Variants in TMPRSS11A observed in about 807,000 individuals in gnomAD.
The protein encoded by TMPRSS11A is transmembrane serine protease 11A, also known as transmembrane protease serine 11A.
Under a neutral mutation model 58.9 loss-of-function variants are expected in TMPRSS11A, and 53 were observed. That is an observed-to-expected ratio of 0.90 (90% CI 0.72 to 1.13). The LOEUF is 1.13. TMPRSS11A is among the 50% of genes most tolerant of loss of function. The pLI, the probability that TMPRSS11A is intolerant of heterozygous loss-of-function variation, is 0.00. For missense variants in TMPRSS11A, 493 were observed against 499.3 expected, an observed-to-expected ratio of 0.99 and a Z score of 0.12; for synonymous variants, 167 against 169.8, an observed-to-expected ratio of 0.98 and a Z score of 0.13.
intron 3 of TMPRSS11A, 41 bp downstream of exon 3, chr4:67,944,478 C>T: frequency 6.3e-7 from 1 of 1,581,624 alleles, no homozygotes; most frequent in Non-Finnish European, 8.6e-7. Flanking sequence ...ATCCCTTCCA[C>T]TTGCATTATT....
chr4:67,959,554 C>T (rs1042848304), intron 1 of TMPRSS11A, among the ~76,000 whole-genome samples: 2 of 152,164 alleles, frequency 1.3e-5, no homozygotes, highest in Non-Finnish European at 2.9e-5. Flanking sequence ...ACAGACACTT[C>T]TTAAAAGAAG....
rs1310861875 is a variant in TMPRSS11A, at chr4:67,962,124, AC to A, written c.11+1258del. Among the ~76,000 whole-genome samples the A allele has an allele frequency of 2.0e-5, 3 of 152,278 alleles. No individual in the cohort carries two copies. The East Asian group carries it at 5.8e-4, about 29-fold the overall frequency. On this transcript the variant is annotated intron_variant, in intron 1 of 9. Coordinates refer to ENST00000508048, the MANE Select transcript of TMPRSS11A (RefSeq NM_001114387.2). ...TATTAATTTTTAAAATAATTTTTTAACAGTCAAACATTAATGCTAGATATTT... is the reference window on the plus strand; with the variant it reads ...TATTAATTTTTAAAATAATTTTTTAAAGTCAAACATTAATGCTAGATATTT...
chr4:67,952,698 TATTTA>T (rs1348528724), intron 1 of TMPRSS11A, among the ~76,000 whole-genome samples: 3 of 152,246 alleles, frequency 2.0e-5, no homozygotes, highest in African/African-American at 7.2e-5. Flanking sequence ...CAAAGGCTTT[TATTTA>T]ATTTGATGCT....
chr4:67,953,859 T>C (rs1721219266), intron 1 of TMPRSS11A, among the ~76,000 whole-genome samples: 2 of 152,050 alleles, frequency 1.3e-5, no homozygotes, highest in Non-Finnish European at 2.9e-5. Context: ...AAAAGGTGGC[T>C]CTAGATGTAT....
Position 67,910,117 on chromosome 4 carries a change from G to A in TMPRSS11A, c.*1225C>T, listed in dbSNP as rs552329505. ...TAAAGCCTTAATTTAATTGTATTAC[G>A]AAATACATGAGCCTTACTCTCCTAA... On this transcript the variant is annotated 3_prime_UTR_variant, in exon 10 of 10. Transcript: ENST00000508048. The A allele has an allele frequency of 1.9e-4, 29 of 152,016 alleles. No individual in the cohort carries two copies. Among genetic ancestry groups the A allele is most frequent in the Non-Finnish European group, 3.4e-4 (23 of 67,928 alleles). The allele number at this position is 152,016 out of a possible 1,614,324, so 9.4% of individuals were successfully genotyped here. A position where few individuals can be genotyped will look rare whatever the true frequency, so the allele number is the denominator to read the frequency against.
rs547304121 is a variant in TMPRSS11A, at chr4:67,958,814, C to T, written c.11+4569G>A. Among the ~76,000 whole-genome samples the T allele has an allele frequency of 4.6e-5, 7 of 152,238 alleles. No homozygotes were observed. The South Asian group carries it at 1.5e-3, about 32-fold the overall frequency. ...TCTTGAACTGTAGCTCTCACAATTC[C>T]CATGTGTCGTAGGAGGGATCTGATG... On this transcript the variant is annotated intron_variant, in intron 1 of 9. Coordinates refer to ENST00000508048, the MANE Select transcript of TMPRSS11A (RefSeq NM_001114387.2).
In TMPRSS11A at chr4:67,944,601, A is replaced by C. The variant is rs1320070153; in HGVS notation, c.170T>G (p.Ile57Ser). 6.2e-7 allele frequency: 1 copy of C among 1,612,932 alleles called. No individual in the cohort carries two copies. The highest frequency in any genetic ancestry group is 8.5e-7 in the Non-Finnish European group (1 of 1,179,100). ...ATTGTTATTGATTTGTGGATCTAAA[A>C]TTTTAAAGGAGCCATGATAGTACTC... ...KKEYYHGSFK[I>S]LDPQINNNFG... Residue 57 changes from isoleucine (I) to serine (S), a missense_variant, in exon 3 of 10, where the codon ATT becomes AGT. Ile to Ser is a moderately radical substitution (Grantham distance 142, BLOSUM62 -2). Coordinates refer to ENST00000508048, the MANE Select transcript of TMPRSS11A (RefSeq NM_001114387.2).
chr4:67,928,610 T>C (rs1382749311), intron 5 of TMPRSS11A, among the ~76,000 whole-genome samples: 2 of 152,246 alleles, frequency 1.3e-5, no homozygotes, highest in African/African-American at 4.8e-5. Flanking sequence ...TTCATTTGCT[T>C]CCCCATCTAA....
chr4:67,942,827 A>C (rs1008158354), intron 3 of TMPRSS11A, among the ~76,000 whole-genome samples: 1 of 152,200 alleles, frequency 6.6e-6, no homozygotes, highest in African/African-American at 2.4e-5. Flanking sequence ...GATACACACT[A>C]TGAATTAGCA....
chr4:67,911,226 A>C lies in TMPRSS11A; in HGVS notation c.*116T>G. 1 of 891,792 alleles carries C rather than the reference A, an allele frequency of 1.1e-6. No homozygotes were observed. The highest frequency in any genetic ancestry group is 1.7e-6 in the Non-Finnish European group (1 of 597,620). 55.2% of individuals were successfully genotyped at this position (891,792 alleles called of 1,614,324 possible). On this transcript the variant is annotated 3_prime_UTR_variant, in exon 10 of 10. Coordinates refer to ENST00000508048, the MANE Select transcript of TMPRSS11A (RefSeq NM_001114387.2). ...CTAAATAACTTACGTTGTGTGTTTC[A>C]TGTTACTAGATCCAGTAATTTAATA...
At chr4:67,946,682 G>T (rs886968410) in intron 1 of TMPRSS11A, 111 bp from the exon 2 acceptor site, 2 of 1,145,584 alleles carry the variant, frequency 1.7e-6, no homozygotes, top group African/African-American at 1.6e-5. Context: ...CTGCAAAAAG[G>T]TCTTTAATTT....
intron 3 of TMPRSS11A, among the ~76,000 whole-genome samples, chr4:67,939,730 C>A (rs1720835194): frequency 6.6e-6 from 1 of 151,964 alleles, no homozygotes. Context: ...GCTCTGTCAC[C>A]CAGGCTGGAG....
intron 1 of TMPRSS11A, among the ~76,000 whole-genome samples, chr4:67,957,620 A>G (rs958057680): frequency 7.9e-5 from 12 of 152,182 alleles, no homozygotes; most frequent in Non-Finnish European, 1.5e-4. Flanking sequence ...TATAAGGAAG[A>G]CAGAGCATAA....
intron 8 of TMPRSS11A, among the ~76,000 whole-genome samples, chr4:67,918,717 C>A (rs1720225863): frequency 6.6e-6 from 1 of 152,122 alleles, no homozygotes; most frequent in Non-Finnish European, 1.5e-5. Context: ...ATCATATAAA[C>A]CCCTGTGTCT....
At chr4:67,959,529 G>T (rs1388246267) in intron 1 of TMPRSS11A, among the ~76,000 whole-genome samples, 2 of 152,122 alleles carry the variant, frequency 1.3e-5, no homozygotes, top group Non-Finnish European at 1.5e-5. Context: ...CATTAAAAGT[G>T]GGCAAAAGAT....
intron 9 of TMPRSS11A, among the ~76,000 whole-genome samples, chr4:67,913,173 G>A (rs76527538): frequency 8.8e-4 from 134 of 152,282 alleles, no homozygotes; most frequent in African/African-American, 3.1e-3. Flanking sequence ...GTGCTGGGTG[G>A]TGCTATGGTT....
chr4:67,940,863 C>T (rs1205327392), intron 3 of TMPRSS11A, among the ~76,000 whole-genome samples: 1 of 152,172 alleles, frequency 6.6e-6, no homozygotes, highest in African/African-American at 2.4e-5. Context: ...TGTGACTTCC[C>T]CTAGAACTTA....
chr4:67,930,831 C>CCA (rs1720597529), intron 4 of TMPRSS11A, among the ~76,000 whole-genome samples: 1 of 74,752 alleles, frequency 1.3e-5, no homozygotes, highest in Non-Finnish European at 2.4e-5. Flanking sequence ...TTTTTTTTTA[C>CCA]AAAAAAAAAA....
intron 9 of TMPRSS11A, 130 bp downstream of exon 9, chr4:67,914,458 A>T: frequency 1.3e-6 from 1 of 763,896 alleles, no homozygotes; most frequent in South Asian, 1.9e-5. Flanking sequence ...TGTGCTGTGA[A>T]ATTTGCATTT....
Sources: allele counts gnomAD v4.1 joint callset (sites outside exome capture counted in the v4.1 genomes callset), GRCh38; gene constraint gnomAD v4.1.1; transcripts MANE v1.5; gene names NCBI Gene and HGNC (gene_info 2026-07-23, HGNC 2026-07-21).